The following PHKB variants were observed in gnomAD, a reference collection of about 807,000 sequenced individuals.
PHKB encodes phosphorylase b kinase regulatory subunit beta.
Under a neutral mutation model 152.1 loss-of-function variants are expected in PHKB, and 122 were observed. The observed-to-expected ratio is 0.80, with a 90% CI of 0.69 to 0.93. The LOEUF (loss-of-function observed/expected upper bound fraction) is 0.93. Ranked by LOEUF, PHKB falls within the 40% of genes least tolerant of loss-of-function variation. PHKB has a pLI of 0.00. For missense variants in PHKB, 1,304 were observed against 1,328.4 expected, an observed-to-expected ratio of 0.98 and a Z score of 0.29; for synonymous variants, 436 against 464.9, an observed-to-expected ratio of 0.94 and a Z score of 0.80.
intron 8 of PHKB, among the ~76,000 whole-genome samples, chr16:47,581,132 C>T (rs1045266090): frequency 4.0e-5 from 6 of 150,472 alleles, no homozygotes; most frequent in African/African-American, 1.5e-4. Context: ...AGTAAAGAAA[C>T]ATTTTAGGAG....
chr16:47,619,008 A>C (rs1972570195), intron 14 of PHKB: 1 of 152,244 alleles, frequency 6.6e-6, no homozygotes, highest in Non-Finnish European at 1.5e-5. Flanking sequence ...AGTGATAGAT[A>C]CAATGATAAC....
At chr16:47,541,396 T>C (rs895192019) in intron 6 of PHKB, among the ~76,000 whole-genome samples, 1 of 152,230 alleles carries the variant, frequency 6.6e-6, no homozygotes, top group African/African-American at 2.4e-5. Flanking sequence ...CAGTCTATCA[T>C]TGATGGACAT....
intron 26 of PHKB, among the ~76,000 whole-genome samples, chr16:47,682,996 G>C (rs903549434): frequency 2.6e-5 from 4 of 152,232 alleles, no homozygotes; most frequent in African/African-American, 9.6e-5. Context: ...AGGACCCTCA[G>C]CTGCAGGTCT....
intron 14 of PHKB, among the ~76,000 whole-genome samples, chr16:47,614,717 G>T (rs1972486218): frequency 1.3e-5 from 2 of 152,150 alleles, no homozygotes; most frequent in African/African-American, 4.8e-5. Context: ...TCATTGAGCA[G>T]CACATCAAAT....
intron 27 of PHKB, among the ~76,000 whole-genome samples, 199 bp downstream of exon 27, chr16:47,689,374 T>C (rs145026924): frequency 1.1e-3 from 175 of 152,348 alleles, no homozygotes; most frequent in Admixed American, 2.2e-3. Context: ...TTTGCATTGA[T>C]TTGAATTTTA....
At chr16:47,480,088 C>T (rs762386904) in intron 1 of PHKB, among the ~76,000 whole-genome samples, 10 of 152,144 alleles carry the variant, frequency 6.6e-5, no homozygotes, top group Non-Finnish European at 1.5e-4. Flanking sequence ...TTCATGACTA[C>T]AGTAATTAGT....
At chr16:47,504,653 T>C (rs1380518394) in intron 4 of PHKB, among the ~76,000 whole-genome samples, 2 of 152,236 alleles carry the variant, frequency 1.3e-5, no homozygotes, top group Non-Finnish European at 2.9e-5. Flanking sequence ...ACAAATTATT[T>C]AATTTCCATG....
rs567420686 is a variant in PHKB at position 47,479,387 on chromosome 16, G to T, written c.76+17961G>T. Among the ~76,000 whole-genome samples, 6 of 152,084 alleles carry T rather than the reference G, an allele frequency of 3.9e-5. No individual in the cohort carries two copies. In the East Asian group the frequency reaches 1.2e-3, roughly 29 times the overall value. On this transcript the variant is annotated intron_variant, in intron 1 of 30. Coordinates refer to ENST00000323584, the MANE Select transcript of PHKB (RefSeq NM_000293.3). ...TAGATTTTCCTAAGACAACAAAGCT[G>T]CTGTCTAATTTTGATCTCTGGCATC...
At chr16:47,539,969 C>T (rs1298429607) in intron 6 of PHKB, among the ~76,000 whole-genome samples, 1 of 152,082 alleles carries the variant, frequency 6.6e-6, no homozygotes, top group South Asian at 2.1e-4. Context: ...AGGGAAGACA[C>T]CCATAAGGTC....
chr16:47,650,653 G>A (rs755232074), intron 19 of PHKB, 27 bp downstream of exon 19: 33 of 1,472,652 alleles, frequency 2.2e-5, no homozygotes, highest in Non-Finnish European at 2.5e-5. Context: ...AGTAAGGTAC[G>A]TGTGTCTCAC....
At chr16:47,461,487 C>G (rs1969554483) in intron 1 of PHKB, 61 bp downstream of exon 1, 1 of 1,567,654 alleles carries the variant, frequency 6.4e-7, no homozygotes, top group Non-Finnish European at 8.8e-7. Flanking sequence ...TCGCCTCAAG[C>G]GCCTTGGCGG....
intron 6 of PHKB, among the ~76,000 whole-genome samples, chr16:47,527,613 T>G (rs1970790427): frequency 1.3e-5 from 2 of 152,224 alleles, no homozygotes; most frequent in South Asian, 4.1e-4. Context: ...CATAATTTAC[T>G]GTTTTGGGTT....
intron 1 of PHKB, among the ~76,000 whole-genome samples, chr16:47,479,603 G>A (rs1416403093): frequency 6.6e-6 from 1 of 152,080 alleles, no homozygotes; most frequent in Non-Finnish European, 1.5e-5. Flanking sequence ...GCTGCCTGTG[G>A]ATGGCCTGCA....
At chr16:47,574,000 A>G (rs914477371) in intron 7 of PHKB, among the ~76,000 whole-genome samples, 6 of 150,066 alleles carry the variant, frequency 4.0e-5, no homozygotes, top group African/African-American at 9.9e-5. Flanking sequence ...GCTCACTGCA[A>G]CCTCCACCTC....
In PHKB at chr16:47,648,536, T is replaced by C. The variant is rs1467935587; in HGVS notation, c.1612T>C (p.Tyr538His). 2 of 1,610,034 alleles carry C rather than the reference T, an allele frequency of 1.2e-6. No individual in the cohort carries two copies. ...TTTACAAACTTGTGTCTTACAGGCT[T>C]ATTTGCAGCTGGGTATCAATGAAAA... ...IWPQQELVKA[Y>H]LQLGINEKLG... Residue 538 changes from tyrosine to histidine, a missense_variant, in exon 17 of 31, where the codon TAT (tyrosine) becomes CAT (histidine). Physicochemically the swap from Tyr to His is moderately conservative, Grantham distance 83. Transcript: ENST00000323584.
intron 8 of PHKB, among the ~76,000 whole-genome samples, chr16:47,585,011 G>T (rs1971911754): frequency 6.6e-6 from 1 of 152,186 alleles, no homozygotes; most frequent in Non-Finnish European, 1.5e-5. Context: ...GGGATTAAGG[G>T]AAGTGCAGTG....
chr16:47,486,122 A>G (rs1970045659), intron 1 of PHKB, among the ~76,000 whole-genome samples: 2 of 152,228 alleles, frequency 1.3e-5, no homozygotes, highest in Non-Finnish European at 2.9e-5. Context: ...ATGGAAAATA[A>G]CACATTAATC....
intron 6 of PHKB, among the ~76,000 whole-genome samples, chr16:47,540,311 G>A (rs1971031417): frequency 7.0e-6 from 1 of 141,950 alleles, no homozygotes; most frequent in Non-Finnish European, 1.5e-5. Flanking sequence ...TCTGTTTTCT[G>A]TTGTTTAAAA....
intron 1 of PHKB, among the ~76,000 whole-genome samples, chr16:47,488,528 G>T (rs1319460110): frequency 6.6e-6 from 1 of 152,164 alleles, no homozygotes; most frequent in Non-Finnish European, 1.5e-5. Context: ...CATGGCCTAT[G>T]TCCAGAATGA....
Sources: allele counts gnomAD v4.1 joint callset (sites outside exome capture counted in the v4.1 genomes callset), GRCh38; gene constraint gnomAD v4.1.1; transcripts MANE v1.5; gene names NCBI Gene and HGNC (gene_info 2026-07-23, HGNC 2026-07-21).